PRKAA2: variants seen among roughly 807,000 people sequenced by gnomAD.
The protein encoded by PRKAA2 is protein kinase AMP-activated catalytic subunit alpha 2, also known as 5'-AMP-activated protein kinase catalytic subunit alpha-2.
A neutral mutation model predicts 56.3 loss-of-function variants in PRKAA2; 40 were observed. The observed-to-expected ratio is 0.71, with a 90% CI of 0.55 to 0.92. PRKAA2 has a LOEUF of 0.92. Ranked by LOEUF, PRKAA2 falls within the 40% of genes least tolerant of loss-of-function variation. The pLI, the probability that PRKAA2 is intolerant of heterozygous loss-of-function variation, is 0.00. For synonymous variants in PRKAA2, 214 were observed against 234.2 expected, an observed-to-expected ratio of 0.91 and a Z score of 0.79; for missense variants, 542 against 686.9, an observed-to-expected ratio of 0.79 and a Z score of 2.36.
chr1:56,672,563 C>T (rs1644085333), intron 1 of PRKAA2, among the ~76,000 whole-genome samples: 2 of 152,158 alleles, frequency 1.3e-5, no homozygotes, highest in Admixed American at 6.6e-5. Flanking sequence ...AAGGGTCTAC[C>T]TTGGGCCTAG....
At chr1:56,690,465 G>A (rs150952663) in intron 2 of PRKAA2, among the ~76,000 whole-genome samples, 136 of 152,210 alleles carry the variant, frequency 8.9e-4, no homozygotes, top group African/African-American at 2.9e-3. Flanking sequence ...CACCACGCCC[G>A]GCCTATCACA....
intron 1 of PRKAA2, among the ~76,000 whole-genome samples, chr1:56,655,619 C>T (rs564518769): frequency 6.6e-6 from 1 of 152,150 alleles, no homozygotes; most frequent in South Asian, 2.1e-4. Context: ...CCAAACACCT[C>T]CCATTAGGCC....
At chr1:56,691,531 A>C in intron 3 of PRKAA2, 44 bp downstream of exon 3, 1 of 1,480,742 alleles carries the variant, frequency 6.8e-7, no homozygotes, top group Non-Finnish European at 9.3e-7. Context: ...TAAACTAATA[A>C]AAAGGAAAGT....
chr1:56,691,588 T>C (rs889100648), intron 3 of PRKAA2, 101 bp downstream of exon 3: 4 of 884,986 alleles, frequency 4.5e-6, no homozygotes, highest in Non-Finnish European at 6.5e-6. Context: ...TTGAAGTTGC[T>C]TTTATGGTAG....
At chr1:56,688,118 T>C (rs1644204750) in intron 2 of PRKAA2, among the ~76,000 whole-genome samples, 1 of 152,208 alleles carries the variant, frequency 6.6e-6, no homozygotes, top group African/African-American at 2.4e-5. Flanking sequence ...GCTTAGAATG[T>C]AATCCTGGAA....
Position 56,708,645 on chromosome 1 carries a change from C to A in PRKAA2, c.*932C>A, listed in dbSNP as rs1469894089. ...TATTTTCTGTGTTAGGTGTTAGGGT[C>A]CTGGTGCAGCTCATAATGCTAATTC... is the stretch of plus-strand genomic sequence containing the variant. On this transcript the variant is annotated 3_prime_UTR_variant, in exon 9 of 9. Coordinates refer to ENST00000371244, the MANE Select transcript of PRKAA2 (RefSeq NM_006252.4). 1 of 152,138 alleles carries A rather than the reference C, an allele frequency of 6.6e-6. No individual in the cohort carries two copies. Among genetic ancestry groups the A allele is most frequent in the Non-Finnish European group, 1.5e-5 (1 of 68,028 alleles). The allele number at this position is 152,138 out of a possible 1,614,324, so 9.4% of individuals were successfully genotyped here.
intron 1 of PRKAA2, among the ~76,000 whole-genome samples, chr1:56,652,338 G>T (rs1378090432): frequency 6.6e-6 from 1 of 151,956 alleles, no homozygotes; most frequent in Non-Finnish European, 1.5e-5. Context: ...TGTATTTTTG[G>T]TAGAGACAGG....
At chr1:56,695,199 TA>T (rs201688247) in intron 5 of PRKAA2, among the ~76,000 whole-genome samples, 12,544 of 147,458 alleles carry the variant, frequency 0.085, 1,083 homozygotes, top group African/African-American at 0.22. Context: ...TATATATATA[TA>T]TATTTTTTGT....
chr1:56,681,045 C>G (rs1011326395), intron 2 of PRKAA2, among the ~76,000 whole-genome samples: 6 of 152,282 alleles, frequency 3.9e-5, no homozygotes, highest in Non-Finnish European at 5.9e-5. Flanking sequence ...TTAATGATCG[C>G]CATTCTAACT....
chr1:56,645,976 A>G (rs1040804263), intron 1 of PRKAA2, among the ~76,000 whole-genome samples: 1 of 152,168 alleles, frequency 6.6e-6, no homozygotes, highest in Non-Finnish European at 1.5e-5. Flanking sequence ...CTTGGTCAAC[A>G]TGTTGTCCTC....
At chr1:56,689,254 C>G (rs941443518) in intron 2 of PRKAA2, among the ~76,000 whole-genome samples, 1 of 152,184 alleles carries the variant, frequency 6.6e-6, no homozygotes, top group Admixed American at 6.5e-5. Flanking sequence ...CACTTTGGTG[C>G]TTGTAAAGAT....
intron 1 of PRKAA2, among the ~76,000 whole-genome samples, chr1:56,650,136 A>T (rs1646675772): frequency 6.6e-6 from 1 of 152,134 alleles, no homozygotes; most frequent in Non-Finnish European, 1.5e-5. Context: ...TCAGTTGTTG[A>T]TATATCAATT....
intron 1 of PRKAA2, among the ~76,000 whole-genome samples, chr1:56,647,837 C>T (rs1298037021): frequency 1.3e-5 from 2 of 151,536 alleles, no homozygotes; most frequent in East Asian, 3.9e-4. Flanking sequence ...TGAGACCAGC[C>T]TGGCCAACAT....
chr1:56,676,576 T>G (rs1373522344), intron 2 of PRKAA2, among the ~76,000 whole-genome samples: 2 of 152,170 alleles, frequency 1.3e-5, no homozygotes, highest in Non-Finnish European at 2.9e-5. Context: ...AACTGTAAGA[T>G]AATACATTTG....
At chr1:56,704,945 T>C (rs867668161) in intron 7 of PRKAA2, among the ~76,000 whole-genome samples, 2 of 152,194 alleles carry the variant, frequency 1.3e-5, no homozygotes, top group Non-Finnish European at 2.9e-5. Flanking sequence ...TGTGATATTC[T>C]CTTTTATTTG....
At chr1:56,662,676 C>G (rs1644004266) in intron 1 of PRKAA2, among the ~76,000 whole-genome samples, 1 of 152,180 alleles carries the variant, frequency 6.6e-6, no homozygotes, top group South Asian at 2.1e-4. Context: ...AAAGAATTTA[C>G]AGTCCTCAGA....
rs540855699 is a variant in PRKAA2, at chr1:56,714,178, A to G, written c.*6465A>G. The G allele has an allele frequency of 1.3e-5, 2 of 152,314 alleles. No homozygotes were observed. The highest frequency in any genetic ancestry group is 2.1e-4 in the South Asian group (1 of 4,830). 9.4% of individuals were successfully genotyped at this position (152,314 alleles called of 1,614,324 possible). On this transcript the variant is annotated 3_prime_UTR_variant, in exon 9 of 9. Coordinates refer to ENST00000371244, the MANE Select transcript of PRKAA2 (RefSeq NM_006252.4). Reference sequence around the variant, plus strand: ...ATGAATTTGATGAATGGCAGTTTTTATATTTTAACCCTTTAAAAAGTTTGT... The same window carrying G: ...ATGAATTTGATGAATGGCAGTTTTTGTATTTTAACCCTTTAAAAAGTTTGT...
At chr1:56,692,228 C>T (rs747431249) in intron 3 of PRKAA2, 130 bp from the exon 4 acceptor site, 5 of 1,044,498 alleles carry the variant, frequency 4.8e-6, no homozygotes, top group Non-Finnish European at 7.1e-6. Context: ...GATGGAGTTT[C>T]ACCTTATTGG....
At chr1:56,675,232 G>A (rs577527586) in intron 2 of PRKAA2, among the ~76,000 whole-genome samples, 1 of 152,168 alleles carries the variant, frequency 6.6e-6, no homozygotes, top group East Asian at 1.9e-4. Context: ...AAAATGTAAC[G>A]TGCTAGACAC....
Sources: gnomAD v4.1 joint callset for allele counts (sites outside exome capture counted in the v4.1 genomes callset) on GRCh38, gnomAD v4.1.1 for gene constraint, MANE v1.5 for transcripts, NCBI Gene and HGNC (gene_info 2026-07-23, HGNC 2026-07-21) for gene names.